PLG: variants seen among roughly 807,000 people sequenced by gnomAD.
PLG encodes the protein plasmin.
PLG carries 41 observed loss-of-function variants against 104.4 expected under a neutral mutation model. The observed-to-expected ratio is 0.39, with a 90% CI of 0.31 to 0.51. The LOEUF (loss-of-function observed/expected upper bound fraction) is 0.51, where lower values mean the gene tolerates loss of function less well. Ranked by LOEUF, PLG falls within the 20% of genes least tolerant of loss-of-function variation. The pLI, the probability that PLG is intolerant of heterozygous loss-of-function variation, is 0.76. For missense variants in PLG, 891 were observed against 1,003.6 expected, an observed-to-expected ratio of 0.89 and a Z score of 1.52; for synonymous variants, 337 against 357.1, an observed-to-expected ratio of 0.94 and a Z score of 0.63.
In PLG at chr6:160,734,154, A is replaced by G; in HGVS notation, c.1681+66A>G. On this transcript the variant is annotated intron_variant, in intron 13 of 18. Transcript: ENST00000308192. The surrounding 1 kb of genome is among the most constrained non-coding windows in gnomAD (Gnocchi z 4.4). ...TATGGATTTGCAACAAAAAAGGAAAAGGGCTTCTGAGCAGACTGCTTCTGG... is the reference window on the plus strand; with the variant it reads ...TATGGATTTGCAACAAAAAAGGAAAGGGGCTTCTGAGCAGACTGCTTCTGG... The G allele has an allele frequency of 3.4e-6, 3 of 888,096 alleles. No individual in the cohort carries two copies. The highest frequency in any genetic ancestry group is 5.7e-6 in the Non-Finnish European group (3 of 529,768). The allele number at this position is 888,096 out of a possible 1,614,324, so 55.0% of individuals were successfully genotyped here. A position where few individuals can be genotyped will look rare whatever the true frequency, so the allele number is the denominator to read the frequency against.
At chr6:160,729,355 C>CA (rs1777963749) in intron 10 of PLG, among the ~76,000 whole-genome samples, 1 of 152,076 alleles carries the variant, frequency 6.6e-6, no homozygotes, top group African/African-American at 2.4e-5. Flanking sequence ...GAGTCTACCC[C>CA]AAAAAACTGC....
At position 160,753,069 on chromosome 6, in the gene PLG, G is replaced by A. The variant is rs753960234; in HGVS notation, c.*8G>A. 7 of 1,546,852 alleles carry A rather than the reference G, an allele frequency of 4.5e-6. No individual in the cohort carries two copies. In the Admixed American group the frequency reaches 6.9e-5, roughly 15 times the overall value. On this transcript the variant is annotated 3_prime_UTR_variant, in exon 19 of 19. Transcript: ENST00000308192. This position sits in a 1 kb window ranked among gnomAD's most constrained non-coding sequence, Gnocchi z 5.4. The stretch of plus-strand genomic sequence containing the variant: ...GTGATGAGAAATAATTAATTGGACG[G>A]GAGACAGAGTGACGCACTGACTCAC...
Position 160,753,716 on chromosome 6 carries a change from C to A in PLG, c.*655C>A, listed in dbSNP as rs139573422. Among the ~76,000 whole-genome samples, 382 of 152,160 alleles carry A rather than the reference C, an allele frequency of 2.5e-3. No individual in the cohort carries two copies. Among genetic ancestry groups the A allele is most frequent in the Non-Finnish European group, 3.8e-3 (256 of 67,996 alleles). On this transcript the variant is annotated 3_prime_UTR_variant, in exon 19 of 19. Coordinates refer to ENST00000308192, the MANE Select transcript of PLG (RefSeq NM_000301.5). The surrounding 1 kb of genome is among the most constrained non-coding windows in gnomAD (Gnocchi z 5.4). ...AGTCTGAATGTTATTCTGGGGCACA[C>A]GTGAGTCTAGGATTGGTGCCAAGAG...
rs146415258 is a variant in PLG, at chr6:160,713,046, C to A, written c.468C>A (p.Asp156Glu). ...AGGAGAACTACTGCAGGAATCCAGA[C>A]AACGATCCGCAGGGGCCCTGGTGCT... ...GLEENYCRNP[D>E]NDPQGPWCYT... The change falls in exon 5 of 19, where the codon GAC (aspartate) becomes GAA (glutamate). Residue 156 changes from aspartate to glutamate, a missense_variant. Around this residue, in one of 2 missense-constraint regions of PLG, gnomAD observed 854 missense variants for 932.1 expected, o/e 0.92. Transcript: ENST00000308192. 1.6e-5 allele frequency: 25 copies of A among 1,608,122 alleles called. No individual in the cohort carries two copies. In the African/African-American group the frequency reaches 2.8e-4, roughly 18 times the overall value.
chr6:160,726,587 T>TA lies in PLG; in HGVS notation c.1256+4020_1256+4021insA, dbSNP rs374172899. On this transcript the variant is annotated intron_variant, in intron 10 of 18. Coordinates refer to ENST00000308192, the MANE Select transcript of PLG (RefSeq NM_000301.5). The surrounding 1 kb of genome is among the most constrained non-coding windows in gnomAD (Gnocchi z 4.4). ...CTATGAGGTTAAAACACCTTTAAAT[T>TA]TAAAAAAAAAAGATTTTATTTGCTA... Among the ~76,000 whole-genome samples, 11,270 of 131,894 alleles carry TA rather than the reference T, an allele frequency of 0.085. 1,213 individuals are homozygous for TA. Among genetic ancestry groups the TA allele is most frequent in the Middle Eastern group, 0.27 (74 of 270 alleles). The allele number at this position is 131,894 out of a possible 152,430, so 86.5% of individuals were successfully genotyped here. A position where few individuals can be genotyped will look rare whatever the true frequency, so the allele number is the denominator to read the frequency against.
At position 160,752,439 on chromosome 6, in the gene PLG, A is replaced by T. The variant is rs1778419212; in HGVS notation, c.2271+179A>T. On this transcript the variant is annotated intron_variant, in intron 18 of 18. Coordinates refer to ENST00000308192, the MANE Select transcript of PLG (RefSeq NM_000301.5). The surrounding 1 kb of genome is among the most constrained non-coding windows in gnomAD (Gnocchi z 4.7). ...ATGCGTATTCAGATCATCTAAGGGG[A>T]TGTCTTGGGGCTTGAGTTCCAAATC... is the stretch of plus-strand genomic sequence containing the variant. Among the ~76,000 whole-genome samples, 1 of 152,100 alleles carries T rather than the reference A, an allele frequency of 6.6e-6. No homozygotes were observed. The highest frequency in any genetic ancestry group is 1.5e-5 in the Non-Finnish European group (1 of 68,022).
chr6:160,713,287 TGA>T, intron 5 of PLG, 162 bp downstream of exon 5: 2 of 632,322 alleles, frequency 3.2e-6, no homozygotes, highest in African/African-American at 1.8e-5. Flanking sequence ...TTTTTTTTTC[TGA>T]GACAGAGTTT....
intron 3 of PLG, among the ~76,000 whole-genome samples, chr6:160,710,588 T>A (rs1777622431): frequency 6.6e-6 from 1 of 152,144 alleles, no homozygotes; most frequent in South Asian, 2.1e-4. Context: ...CACTTTTTCA[T>A]ATCACTGGGA....
At chr6:160,716,915 A>G in intron 7 of PLG, 152 bp downstream of exon 7, 1 of 712,184 alleles carries the variant, frequency 1.4e-6, no homozygotes, top group Admixed American at 2.0e-5. Context: ...TGCTGGTTTA[A>G]AACAGTTATG....
rs1449049552 is a variant in PLG, at chr6:160,740,001, G to A, written c.2018+793G>A. On this transcript the variant is annotated intron_variant, in intron 16 of 18. Coordinates refer to ENST00000308192, the MANE Select transcript of PLG (RefSeq NM_000301.5). This position sits in a 1 kb window ranked among gnomAD's most constrained non-coding sequence, Gnocchi z 5.2. ...TACTAGTTGAGTCAGCTAAGAAACA[G>A]CTATTTGTAGGAGAAGCAGGTTTGG... Among the ~76,000 whole-genome samples, 1 of 152,216 alleles carries A rather than the reference G, an allele frequency of 6.6e-6. No individual in the cohort carries two copies. Among genetic ancestry groups the A allele is most frequent in the African/African-American group, 2.4e-5 (1 of 41,456 alleles).
At chr6:160,718,021 G>T (rs1463665953) in intron 7 of PLG, among the ~76,000 whole-genome samples, 1 of 152,192 alleles carries the variant, frequency 6.6e-6, no homozygotes, top group African/African-American at 2.4e-5. Context: ...GGAGGCCGAG[G>T]TGGGCGGATC....
chr6:160,717,754 C>T (rs1231206465), intron 7 of PLG, among the ~76,000 whole-genome samples: 2 of 152,298 alleles, frequency 1.3e-5, no homozygotes, highest in African/African-American at 4.8e-5. Flanking sequence ...TAGAAAGAAG[C>T]ACCTACCCAA....
At position 160,724,457 on chromosome 6, in the gene PLG, C is replaced by A. The variant is rs1452805381; in HGVS notation, c.1256+1890C>A. Among the ~76,000 whole-genome samples, 1 of 151,922 alleles carries A rather than the reference C, an allele frequency of 6.6e-6. No individual in the cohort carries two copies. The highest frequency in any genetic ancestry group is 1.9e-4 in the East Asian group (1 of 5,192). On this transcript the variant is annotated intron_variant, in intron 10 of 18. Coordinates refer to ENST00000308192, the MANE Select transcript of PLG (RefSeq NM_000301.5). This position sits in a 1 kb window ranked among gnomAD's most constrained non-coding sequence, Gnocchi z 5.0. The stretch of plus-strand genomic sequence containing the variant: ...GACTGAAAAGATAAAGAAACAGAGC[C>A]TCAAGAATATCTATGAAAATATCAA...
chr6:160,718,557 G>T, intron 8 of PLG, 101 bp downstream of exon 8: 1 of 1,354,476 alleles, frequency 7.4e-7, no homozygotes, highest in South Asian at 1.2e-5. Context: ...AAGTATTCTG[G>T]AAGAAAAACT....
At chr6:160,706,049 G>A (rs1420567589) in intron 1 of PLG, 1 of 290,964 alleles carries the variant, frequency 3.4e-6, no homozygotes, top group African/African-American at 2.2e-5. Flanking sequence ...GGGTACATGT[G>A]CAGGTGTGTT....
chr6:160,750,657 T>C (rs1432899660), intron 17 of PLG, among the ~76,000 whole-genome samples: 1 of 152,198 alleles, frequency 6.6e-6, no homozygotes, highest in Non-Finnish European at 1.5e-5. Context: ...GCCTCTTCCA[T>C]GCTGCTCATG....
chr6:160,721,629 T>C (rs1039045460), intron 9 of PLG, among the ~76,000 whole-genome samples: 1 of 152,228 alleles, frequency 6.6e-6, no homozygotes, highest in African/African-American at 2.4e-5. Flanking sequence ...TCTAACCCCA[T>C]TGACACTCGG....
rs1412384212 is a variant in PLG at position 160,737,987 on chromosome 6, G to C, written c.1803-551G>C. Among the ~76,000 whole-genome samples the C allele has an allele frequency of 3.9e-5, 6 of 152,010 alleles. No homozygotes were observed. Among genetic ancestry groups the C allele is most frequent in the Non-Finnish European group, 8.8e-5 (6 of 68,022 alleles). ...TCTTCTTTAAATTTGGTTCCAAATG[G>C]CTCACACCATTATTCTGAGCTATTA... On this transcript the variant is annotated intron_variant, in intron 14 of 18. Transcript: ENST00000308192. This position sits in a 1 kb window ranked among gnomAD's most constrained non-coding sequence, Gnocchi z 4.7.
In PLG at chr6:160,711,066, C is replaced by T; in HGVS notation, c.293-11C>T. The T allele has an allele frequency of 6.2e-7, 1 of 1,612,772 alleles. No homozygotes were observed. ...TGAAAGACTTTGACCACTGTGTGGA[C>T]TTCCCTTCAGTGTATCTCTCAGAGT... is the stretch of plus-strand genomic sequence containing the variant. On this transcript the variant is annotated splice_polypyrimidine_tract_variant and intron_variant, in intron 3 of 18. Coordinates refer to ENST00000308192, the MANE Select transcript of PLG (RefSeq NM_000301.5).
Sources: allele counts gnomAD v4.1 joint callset (sites outside exome capture counted in the v4.1 genomes callset), GRCh38; gene constraint gnomAD v4.1.1; regional missense constraint gnomAD v4.1.1; non-coding constraint Gnocchi (gnomAD v3.1); transcripts MANE v1.5; gene names NCBI Gene and HGNC (gene_info 2026-07-23, HGNC 2026-07-21).